CLSTN2: variants seen among roughly 807,000 people sequenced by gnomAD.
The protein encoded by CLSTN2 is calsyntenin-2.
In CLSTN2, 48 loss-of-function variants were observed where a neutral mutation model predicts 101.2. That is an observed-to-expected ratio of 0.47 (90% CI 0.38 to 0.60). The LOEUF is 0.60. CLSTN2 is among the 20% of genes least tolerant of loss of function. The pLI is 0.00. For synonymous variants in CLSTN2, 481 were observed against 463.6 expected (o/e 1.04, Z -0.48); for missense variants, 1,160 against 1,238.2 (o/e 0.94, Z 0.95).
At chr3:139,962,301 C>T (rs1244023987) in intron 1 of CLSTN2, among the ~76,000 whole-genome samples, 1 of 152,126 alleles carries the variant, frequency 6.6e-6, no homozygotes, top group Non-Finnish European at 1.5e-5. Context: ...ATAAAGTGCA[C>T]ATATTGAAAG....
At chr3:140,106,746 T>C (rs190162134) in intron 1 of CLSTN2, among the ~76,000 whole-genome samples, 65 of 152,262 alleles carry the variant, frequency 4.3e-4, no homozygotes, top group African/African-American at 1.6e-3. Context: ...ACAAAATGAG[T>C]CTTCAGAAAA....
At position 140,417,987 on chromosome 3, in the gene CLSTN2, C is replaced by T. The variant is rs147468549; in HGVS notation, c.638-3138C>T. ...GGAAGTAGACCTGCAACAAATTGAG[C>T]CAAGGATTCAGCTTGTGTGTTTATT... On this transcript the variant is annotated intron_variant, in intron 4 of 16. Coordinates refer to ENST00000458420, the MANE Select transcript of CLSTN2 (RefSeq NM_022131.3). 7.9e-5 allele frequency among the ~76,000 whole-genome samples: 12 copies of T among 152,266 alleles called. No homozygotes were observed. The East Asian group carries it at 2.3e-3, about 29-fold the overall frequency.
At chr3:140,357,967 A>G (rs759546881) in intron 2 of CLSTN2, among the ~76,000 whole-genome samples, 1 of 152,204 alleles carries the variant, frequency 6.6e-6, no homozygotes, top group Non-Finnish European at 1.5e-5. Flanking sequence ...CCCTGGCAAG[A>G]ATGTCTCTCC....
chr3:140,058,456 T>G (rs1254406353), intron 1 of CLSTN2, among the ~76,000 whole-genome samples: 1 of 152,118 alleles, frequency 6.6e-6, no homozygotes, highest in Non-Finnish European at 1.5e-5. Flanking sequence ...TTAAAGGAAT[T>G]TAGGAACAGT....
intron 1 of CLSTN2, among the ~76,000 whole-genome samples, chr3:140,021,049 A>G (rs1266445860): frequency 6.6e-6 from 1 of 152,228 alleles, no homozygotes; most frequent in Non-Finnish European, 1.5e-5. Flanking sequence ...AAAGAAAAAA[A>G]CTACTCTCTT....
chr3:140,484,476 C>T (rs528003861), intron 8 of CLSTN2, among the ~76,000 whole-genome samples: 20 of 152,058 alleles, frequency 1.3e-4, no homozygotes, highest in African/African-American at 4.6e-4. Flanking sequence ...ATCTTTGTGG[C>T]ATTCTCTGTA....
intron 2 of CLSTN2, among the ~76,000 whole-genome samples, chr3:140,182,662 A>G (rs1049570783): frequency 1.1e-4 from 16 of 152,174 alleles, no homozygotes; most frequent in African/African-American, 3.9e-4. Flanking sequence ...CCAAAGGTCA[A>G]TTCTTCACCC....
chr3:140,321,337 C>T (rs2087281469), intron 2 of CLSTN2, among the ~76,000 whole-genome samples: 1 of 152,290 alleles, frequency 6.6e-6, no homozygotes, highest in South Asian at 2.1e-4. Context: ...TCAGCACCAC[C>T]TTTGACCAGC....
intron 6 of CLSTN2, among the ~76,000 whole-genome samples, chr3:140,451,227 T>C (rs1320364871): frequency 6.6e-6 from 1 of 152,178 alleles, no homozygotes; most frequent in Non-Finnish European, 1.5e-5. Context: ...GCACTTGTGA[T>C]TTGCTTTTGA....
chr3:140,062,143 G>A (rs2008216933), intron 1 of CLSTN2, among the ~76,000 whole-genome samples: 1 of 152,128 alleles, frequency 6.6e-6, no homozygotes, highest in South Asian at 2.1e-4. Flanking sequence ...GGAGAGTGGT[G>A]GGTCCATGCC....
intron 1 of CLSTN2, among the ~76,000 whole-genome samples, chr3:140,136,240 T>C (rs1173447921): frequency 3.9e-5 from 6 of 152,222 alleles, no homozygotes; most frequent in African/African-American, 1.4e-4. Context: ...ATTCTTGCGA[T>C]ATTTGTAGCT....
chr3:140,135,172 G>C (rs1455942581), intron 1 of CLSTN2, among the ~76,000 whole-genome samples: 1 of 125,254 alleles, frequency 8.0e-6, no homozygotes, highest in East Asian at 2.4e-4. Flanking sequence ...AAAATATGCT[G>C]GGTATTACAG....
At chr3:140,058,979 G>A (rs1475492940) in intron 1 of CLSTN2, among the ~76,000 whole-genome samples, 1 of 152,164 alleles carries the variant, frequency 6.6e-6, no homozygotes, top group Non-Finnish European at 1.5e-5. Flanking sequence ...AAGCTATGGA[G>A]GATAAGGTGA....
At chr3:140,366,411 G>C (rs936062305) in intron 2 of CLSTN2, among the ~76,000 whole-genome samples, 3 of 152,230 alleles carry the variant, frequency 2.0e-5, no homozygotes, top group Non-Finnish European at 4.4e-5. Context: ...GAGCATTTAA[G>C]AAAGCAGGCA....
At chr3:140,149,332 C>A (rs970152218) in intron 1 of CLSTN2, among the ~76,000 whole-genome samples, 2 of 152,112 alleles carry the variant, frequency 1.3e-5, no homozygotes, top group Non-Finnish European at 2.9e-5. Flanking sequence ...AGGCTGGAAC[C>A]GTTTGGTCCA....
At chr3:140,272,975 C>T (rs2086756716) in intron 2 of CLSTN2, among the ~76,000 whole-genome samples, 1 of 152,168 alleles carries the variant, frequency 6.6e-6, no homozygotes, top group Non-Finnish European at 1.5e-5. Context: ...CCCATGTCCT[C>T]TTTGCCGCTG....
chr3:140,047,319 T>G (rs565696614), intron 1 of CLSTN2, among the ~76,000 whole-genome samples: 160 of 152,308 alleles, frequency 1.1e-3, no homozygotes, highest in African/African-American at 3.8e-3. Flanking sequence ...GAGTACATTT[T>G]AGTTTCCCAC....
At chr3:140,490,693 C>T (rs1010755224) in intron 8 of CLSTN2, among the ~76,000 whole-genome samples, 1 of 150,954 alleles carries the variant, frequency 6.6e-6, no homozygotes, top group Non-Finnish European at 1.5e-5. Context: ...TCTCACTTAA[C>T]AGTTATAGGA....
intron 2 of CLSTN2, among the ~76,000 whole-genome samples, chr3:140,185,352 C>A (rs1030491869): frequency 6.6e-6 from 1 of 152,192 alleles, no homozygotes; most frequent in African/African-American, 2.4e-5. Context: ...AGACCCCCAA[C>A]CACCTTTCTT....
Sources: allele counts gnomAD v4.1 joint callset (sites outside exome capture counted in the v4.1 genomes callset), GRCh38; gene constraint gnomAD v4.1.1; transcripts MANE v1.5; gene names NCBI Gene and HGNC (gene_info 2026-07-23, HGNC 2026-07-21).